VEGFB: variants seen among roughly 807,000 people sequenced by gnomAD.
The protein encoded by VEGFB is VEGF-related factor.
Under a neutral mutation model 22.5 loss-of-function variants are expected in VEGFB, and 24 were observed. The ratio of observed to expected loss-of-function variants is 1.07; its 90% CI spans 0.77 to 1.50. The LOEUF is 1.50. VEGFB is among the 40% of genes most tolerant of loss of function. The pLI is 0.00. For synonymous variants in VEGFB, 141 were observed against 117.4 expected, an observed-to-expected ratio of 1.20 and a Z score of -1.30; for missense variants, 327 against 287.8, an observed-to-expected ratio of 1.14 and a Z score of -0.99.
chr11:64,236,169 TG>T, intron 3 of VEGFB, 84 bp from the exon 4 acceptor site: 1 of 1,565,648 alleles, frequency 6.4e-7, no homozygotes. Context: ...TCCCGGCTGT[TG>T]GGTGAGCTTT....
Position 64,234,677 on chromosome 11 carries a change from C to A in VEGFB, c.-157C>A. ...TGCGCTGCGCTGCGCTGCCTGCACC[C>A]AGGGCTCGGGAGGGGGCCGCGGAGG... On this transcript the variant is annotated 5_prime_UTR_variant, in exon 1 of 7. Coordinates refer to ENST00000309422, the MANE Select transcript of VEGFB (RefSeq NM_003377.5). This position sits in a 1 kb window ranked among gnomAD's most constrained non-coding sequence, Gnocchi z 5.3. 6.5e-6 allele frequency: 1 copy of A among 154,898 alleles called. No individual in the cohort carries two copies. The highest frequency in any genetic ancestry group is 1.8e-4 in the South Asian group (1 of 5,688). The allele number at this position is 154,898 out of a possible 1,614,324, so 9.6% of individuals were successfully genotyped here. A position where few individuals can be genotyped will look rare whatever the true frequency, so the allele number is the denominator to read the frequency against.
rs889354284 is a variant in VEGFB at position 64,238,868 on chromosome 11, G to A, written c.*535G>A. On this transcript the variant is annotated 3_prime_UTR_variant, in exon 7 of 7. Coordinates refer to ENST00000309422, the MANE Select transcript of VEGFB (RefSeq NM_003377.5). ...GAATGTCTGCATCACTAAATCCAGA[G>A]CTTGTCTTGCTCCCTCATTGTGCAG... 44 of 177,358 alleles carry A rather than the reference G, an allele frequency of 2.5e-4. 1 individual carries two copies. Among genetic ancestry groups the A allele is most frequent in the Non-Finnish European group, 4.8e-4 (39 of 80,802 alleles). The allele number at this position is 177,358 out of a possible 1,614,324, so 11.0% of individuals were successfully genotyped here. A position where few individuals can be genotyped will look rare whatever the true frequency, so the allele number is the denominator to read the frequency against.
intron 4 of VEGFB, among the ~76,000 whole-genome samples, chr11:64,236,630 T>G (rs542430755): frequency 1.4e-5 from 2 of 142,298 alleles, no homozygotes; most frequent in East Asian, 4.2e-4. Context: ...GGCAGGAGAA[T>G]GGCATGAACC....
chr11:64,235,984 C>T lies in VEGFB; in HGVS notation c.275C>T (p.Thr92Ile). The change falls in exon 3 of 7, where the codon ACT becomes ATT. Residue 92 changes from threonine (T) to isoleucine (I), a missense_variant. Transcript: ENST00000309422. ...GACGATGGCCTGGAGTGTGTGCCCACTGGGCAGCACCAAGTCCGGATGCAG... is the reference window on the plus strand; with the variant it reads ...GACGATGGCCTGGAGTGTGTGCCCATTGGGCAGCACCAAGTCCGGATGCAG... ...CPDDGLECVP[T>I]GQHQVRMQIL... is the part of the protein sequence containing the mutation. 6.2e-7 allele frequency: 1 copy of T among 1,602,236 alleles called. No individual in the cohort carries two copies. Among genetic ancestry groups the T allele is most frequent in the African/African-American group, 1.3e-5 (1 of 74,808 alleles).
Position 64,238,506 on chromosome 11 carries a change from A to T in VEGFB, c.*173A>T. 1 of 1,182,916 alleles carries T rather than the reference A, an allele frequency of 8.5e-7. No individual in the cohort carries two copies. The highest frequency in any genetic ancestry group is 1.5e-5 in the African/African-American group (1 of 65,556). The allele number at this position is 1,182,916 out of a possible 1,614,324, so 73.3% of individuals were successfully genotyped here. A position where few individuals can be genotyped will look rare whatever the true frequency, so the allele number is the denominator to read the frequency against. ...CAGCCCAGGCAGAAGCTGCTCTAGG[A>T]CCTGGGCCTCTCAGAGGGCTCTTCT... On this transcript the variant is annotated 3_prime_UTR_variant, in exon 7 of 7. Coordinates refer to ENST00000309422, the MANE Select transcript of VEGFB (RefSeq NM_003377.5).
In VEGFB at chr11:64,237,126, G is replaced by GATAGATAGATA; in HGVS notation, c.375-61_375-60insATAGATAGATA. 2.5e-5 allele frequency: 18 copies of GATAGATAGATA among 717,468 alleles called. 2 individuals are homozygous for GATAGATAGATA. The African/African-American group carries it at 3.6e-4, about 14-fold the overall frequency. 44.4% of individuals were successfully genotyped at this position (717,468 alleles called of 1,614,324 possible). On this transcript the variant is annotated intron_variant, in intron 4 of 6. Coordinates refer to ENST00000309422, the MANE Select transcript of VEGFB (RefSeq NM_003377.5). ...GAGAGAGAGAGAGAGAGAGAGAGTAGGATGCTGGGATTTCCTGATCTTCCT... is the reference window on the plus strand; with the variant it reads ...GAGAGAGAGAGAGAGAGAGAGAGTAGATAGATAGATAGATGCTGGGATTTCCTGATCTTCCT...
intron 4 of VEGFB, among the ~76,000 whole-genome samples, chr11:64,236,716 CAA>C (rs773789771): frequency 4.0e-5 from 3 of 74,476 alleles, no homozygotes; most frequent in South Asian, 4.9e-4. Flanking sequence ...GACTCTGCCA[CAA>C]AAAAAAAAAA....
chr11:64,234,764 T>TGCC lies in VEGFB; in HGVS notation c.-69_-68insCCG. 1.4e-6 allele frequency: 1 copy of TGCC among 694,494 alleles called. No individual in the cohort carries two copies. Among genetic ancestry groups the TGCC allele is most frequent in the Non-Finnish European group, 1.8e-6 (1 of 566,762 alleles). 43.0% of individuals were successfully genotyped at this position (694,494 alleles called of 1,614,324 possible). ...CGGGCCCGCGCCATGGGGCTCTGGC[T>TGCC]GTCGCCGCCCCCCGCGCCGCCGGGC... On this transcript the variant is annotated 5_prime_UTR_variant, in exon 1 of 7. Transcript: ENST00000309422. This position sits in a 1 kb window ranked among gnomAD's most constrained non-coding sequence, Gnocchi z 5.3.
intron 6 of VEGFB, 138 bp downstream of exon 6, chr11:64,237,793 A>C: frequency 2.5e-6 from 2 of 810,240 alleles, no homozygotes; most frequent in Non-Finnish European, 3.7e-6. Context: ...TATTTACCAA[A>C]CAGCTGCTGG....
Position 64,237,190 on chromosome 11 carries a change from T to TA in VEGFB, c.386dup (p.Asp130GlyfsTer35), listed in dbSNP as rs747177567. On this transcript the variant is annotated frameshift_variant, in exon 5 of 7. Coordinates refer to ENST00000309422, the MANE Select transcript of VEGFB (RefSeq NM_003377.5). LOFTEE classifies it high-confidence loss of function. Reference sequence around the variant, plus strand: ...GTCTGTCTATCTTACTTTTCAGACCTAAAAAAAAGGACAGTGCTGTGAAGC... The same window carrying TA: ...GTCTGTCTATCTTACTTTTCAGACCTAAAAAAAAAGGACAGTGCTGTGAAGC... The TA allele has an allele frequency of 1.1e-5, 18 of 1,600,660 alleles. No homozygotes were observed. Among genetic ancestry groups the TA allele is most frequent in the South Asian group, 5.6e-5 (5 of 89,362 alleles).
At chr11:64,235,662 T>A in intron 2 of VEGFB, 151 bp from the exon 3 acceptor site, 1 of 1,235,462 alleles carries the variant, frequency 8.1e-7, no homozygotes, top group Non-Finnish European at 1.2e-6. Flanking sequence ...TACTGGGATC[T>A]GGATAAACAG....
chr11:64,238,715 A>C lies in VEGFB; in HGVS notation c.*382A>C. 2.6e-6 allele frequency: 1 copy of C among 378,250 alleles called. No homozygotes were observed. The allele number at this position is 378,250 out of a possible 1,614,324, so 23.4% of individuals were successfully genotyped here. ...TCCTCCCCTCACTAAGAAGACCCAA[A>C]CCTCTGCATAATGGGATTTGGGCTT... On this transcript the variant is annotated 3_prime_UTR_variant, in exon 7 of 7. Transcript: ENST00000309422.
In VEGFB at chr11:64,237,010, G is replaced by A. The variant is rs572252580; in HGVS notation, c.375-177G>A. On this transcript the variant is annotated intron_variant, in intron 4 of 6. Coordinates refer to ENST00000309422, the MANE Select transcript of VEGFB (RefSeq NM_003377.5). ...AGACAAGAGAATAGCTTGAACCTGG[G>A]AGGCGGAGGTTGCAGTGAGCCGAGA... is the stretch of plus-strand genomic sequence containing the variant. 5 of 466,186 alleles carry A rather than the reference G, an allele frequency of 1.1e-5. No homozygotes were observed. In the East Asian group the frequency reaches 2.0e-4, roughly 19 times the overall value. 28.9% of individuals were successfully genotyped at this position (466,186 alleles called of 1,614,324 possible).
rs534913918 is a variant in VEGFB at position 64,237,014 on chromosome 11, C to T, written c.375-173C>T. On this transcript the variant is annotated intron_variant, in intron 4 of 6. Transcript: ENST00000309422. ...AAGAGAATAGCTTGAACCTGGGAGG[C>T]GGAGGTTGCAGTGAGCCGAGACCAC... 59 of 473,890 alleles carry T rather than the reference C, an allele frequency of 1.2e-4. 3 individuals carry two copies. In the East Asian group the frequency reaches 1.6e-3, roughly 13 times the overall value. 29.4% of individuals were successfully genotyped at this position (473,890 alleles called of 1,614,324 possible). A position where few individuals can be genotyped will look rare whatever the true frequency, so the allele number is the denominator to read the frequency against.
chr11:64,237,524 C>T lies in VEGFB; in HGVS notation c.515C>T (p.Pro172Leu), dbSNP rs757019883. Residue 172 changes from proline to leucine, a missense_variant, in exon 6 of 7, where the codon CCA becomes CTA. Transcript: ENST00000309422. ...GACATCACCCATCCCACTCCAGCCCCAGGCCCCTCTGCCCACGCTGCACCC... is the reference window on the plus strand; with the variant it reads ...GACATCACCCATCCCACTCCAGCCCTAGGCCCCTCTGCCCACGCTGCACCC... Reference protein sequence around the residue: ...PADITHPTPAPGPSAHAAPST... With the variant: ...PADITHPTPALGPSAHAAPST... The T allele has an allele frequency of 6.2e-7, 1 of 1,611,286 alleles. No homozygotes were observed. Among genetic ancestry groups the T allele is most frequent in the East Asian group, 2.2e-5 (1 of 44,874 alleles).
In VEGFB at chr11:64,234,811, G is replaced by A. The variant is rs745345561; in HGVS notation, c.-23G>A. The stretch of plus-strand genomic sequence containing the variant: ...GGGCTAGGGCGATGCGGGCGCCCCC[G>A]GCGGGCGGCCCCGGCGGGCACCATG... On this transcript the variant is annotated 5_prime_UTR_variant, in exon 1 of 7. Coordinates refer to ENST00000309422, the MANE Select transcript of VEGFB (RefSeq NM_003377.5). The surrounding 1 kb of genome is among the most constrained non-coding windows in gnomAD (Gnocchi z 5.3). 2 of 1,143,878 alleles carry A rather than the reference G, an allele frequency of 1.7e-6. No homozygotes were observed. Among genetic ancestry groups the A allele is most frequent in the African/African-American group, 1.7e-5 (1 of 60,490 alleles). 70.9% of individuals were successfully genotyped at this position (1,143,878 alleles called of 1,614,324 possible). A position where few individuals can be genotyped will look rare whatever the true frequency, so the allele number is the denominator to read the frequency against.
At chr11:64,237,265 C>A (rs2030167982) in intron 5 of VEGFB, 43 bp downstream of exon 5, 11 of 1,573,976 alleles carry the variant, frequency 7.0e-6, no homozygotes, top group Non-Finnish European at 9.6e-6. Context: ...ATGGGGAGTA[C>A]AAGTGAGTCC....
chr11:64,236,286 G>A lies in VEGFB; in HGVS notation c.333G>A (p.Leu111=), dbSNP rs1307468072. Residue 111 remains leucine, a synonymous_variant, in exon 4 of 7, where the codon CTG becomes CTA. Coordinates refer to ENST00000309422, the MANE Select transcript of VEGFB (RefSeq NM_003377.5). ...ILMIRYPSSQ[L]GEMSLEEHSQ... Reference sequence around the variant, plus strand: ...TGATCCGGTACCCGAGCAGTCAGCTGGGGGAGATGTCCCTGGAAGAACACA... The same window carrying A: ...TGATCCGGTACCCGAGCAGTCAGCTAGGGGAGATGTCCCTGGAAGAACACA... 6.2e-7 allele frequency: 1 copy of A among 1,613,786 alleles called. No individual in the cohort carries two copies. Among genetic ancestry groups the A allele is most frequent in the African/African-American group, 1.3e-5 (1 of 74,942 alleles).
intron 4 of VEGFB, 91 bp from the exon 5 acceptor site, chr11:64,237,096 A>AGGGAGAGGGAGACG: frequency 3.3e-6 from 1 of 304,678 alleles, no homozygotes; most frequent in East Asian, 6.6e-5. Context: ...AGAGAGAGAG[A>AGGGAGAGGGAGACG]GAGAGAGAGA....
Sources: allele counts gnomAD v4.1 joint callset (sites outside exome capture counted in the v4.1 genomes callset), GRCh38; gene constraint gnomAD v4.1.1; non-coding constraint Gnocchi (gnomAD v3.1); transcripts MANE v1.5; gene names NCBI Gene and HGNC (gene_info 2026-07-23, HGNC 2026-07-21).